SLC17A5: variants seen among roughly 807,000 people sequenced by gnomAD.
SLC17A5 encodes solute carrier family 17 member 5.
A neutral mutation model predicts 59.4 loss-of-function variants in SLC17A5; 47 were observed. The ratio of observed to expected loss-of-function variants is 0.79; its 90% CI spans 0.63 to 1.01. The LOEUF (loss-of-function observed/expected upper bound fraction) is 1.01, where lower values mean the gene tolerates loss of function less well. SLC17A5 is among the 50% of genes least tolerant of loss of function. SLC17A5 has a pLI of 0.00. For synonymous variants in SLC17A5, 202 were observed against 210.7 expected, an observed-to-expected ratio of 0.96 and a Z score of 0.36; for missense variants, 522 against 595.5, an observed-to-expected ratio of 0.88 and a Z score of 1.28.
At chr6:73,630,875 C>CAATTTTTTTACCTGTTCCTTAAGG (rs1561995824) in intron 6 of SLC17A5, among the ~76,000 whole-genome samples, 2 of 151,684 alleles carry the variant, frequency 1.3e-5, no homozygotes, top group African/African-American at 4.9e-5. Flanking sequence ...GGAGAAACCC[C>CAATTTTTTTACCTGTTCCTTAAGG]GTTTCTACTA....
At chr6:73,643,136 A>C (rs1004927531) in intron 2 of SLC17A5, among the ~76,000 whole-genome samples, 1 of 151,214 alleles carries the variant, frequency 6.6e-6, no homozygotes, top group Non-Finnish European at 1.5e-5. Flanking sequence ...AATGGGTGAA[A>C]ATTTATTTAT....
intron 2 of SLC17A5, among the ~76,000 whole-genome samples, chr6:73,644,119 T>C (rs1374581749): frequency 6.6e-6 from 1 of 152,228 alleles, no homozygotes; most frequent in Non-Finnish European, 1.5e-5. Context: ...AGTTTAATTT[T>C]CTGTTATATA....
chr6:73,613,610 C>T (rs1767727261), intron 8 of SLC17A5, among the ~76,000 whole-genome samples: 1 of 152,176 alleles, frequency 6.6e-6, no homozygotes, highest in Non-Finnish European at 1.5e-5. Context: ...GATCTGCTCA[C>T]CTCAGCCTCC....
intron 1 of SLC17A5, chr6:73,653,343 G>A: frequency 1.0e-6 from 1 of 985,454 alleles, no homozygotes; most frequent in Non-Finnish European, 1.2e-6. Flanking sequence ...CTACTGATCT[G>A]CAGGTTTCTC....
intron 6 of SLC17A5, among the ~76,000 whole-genome samples, chr6:73,633,938 TC>T (rs200891669): frequency 0.16 from 24,738 of 151,782 alleles, 3,100 homozygotes; most frequent in African/African-American, 0.35. Context: ...ATAGGAAAAG[TC>T]TTAAATATTT....
chr6:73,634,643 G>A (rs557620500), intron 6 of SLC17A5, among the ~76,000 whole-genome samples: 1 of 152,180 alleles, frequency 6.6e-6, no homozygotes, highest in African/African-American at 2.4e-5. Context: ...CAGGCGATCC[G>A]CCTGCCTCAG....
intron 9 of SLC17A5, among the ~76,000 whole-genome samples, chr6:73,604,843 T>C (rs1452396127): frequency 6.6e-6 from 1 of 152,166 alleles, no homozygotes; most frequent in Non-Finnish European, 1.5e-5. Flanking sequence ...TATATGTTAA[T>C]AGGAATATTA....
chr6:73,649,472 T>A (rs1030765221), intron 1 of SLC17A5, among the ~76,000 whole-genome samples: 1 of 151,986 alleles, frequency 6.6e-6, no homozygotes, highest in Non-Finnish European at 1.5e-5. Context: ...GGTTGTGGTG[T>A]TGTGCACCTG....
chr6:73,624,419 C>T lies in SLC17A5; in HGVS notation c.820-2457G>A, dbSNP rs528073198. 2.2e-4 allele frequency among the ~76,000 whole-genome samples: 33 copies of T among 151,976 alleles called. No individual in the cohort carries two copies. The East Asian group carries it at 6.0e-3, about 28-fold the overall frequency. On this transcript the variant is annotated intron_variant, in intron 6 of 10. Transcript: ENST00000355773. Reference sequence around the variant, plus strand: ...ACTCTGTCTCAAAAAATAAAAACAACAAATTATTTGTAATTTTTAAGTTAT... The same window carrying T: ...ACTCTGTCTCAAAAAATAAAAACAATAAATTATTTGTAATTTTTAAGTTAT...
At chr6:73,610,631 A>G in intron 8 of SLC17A5, 84 bp from the exon 9 acceptor site, 1 of 1,467,968 alleles carries the variant, frequency 6.8e-7, no homozygotes, top group Non-Finnish European at 9.5e-7. Flanking sequence ...CTGAAATTTG[A>G]AATTGCTGCC....
intron 3 of SLC17A5, among the ~76,000 whole-genome samples, chr6:73,639,853 C>G (rs1769197220): frequency 6.6e-6 from 1 of 152,096 alleles, no homozygotes; most frequent in Admixed American, 6.5e-5. Flanking sequence ...CGAGACCAGC[C>G]TGGCCAACAT....
chr6:73,638,441 C>G lies in SLC17A5; in HGVS notation c.584G>C (p.Arg195Thr), dbSNP rs376564719. Residue 195 changes from arginine to threonine, a missense_variant, in exon 4 of 11, where the codon AGA becomes ACA. Arg to Thr is a moderately conservative substitution (Grantham distance 71, BLOSUM62 -1). Transcript: ENST00000355773. ...ATATGAAATGCTAAGAAGTTTGCTT[C>G]TTTCAAGAGGGGGAGCCCAAGAAGA... ...MWSSWAPPLERSKLLSISYAG... is the reference protein window; with the variant it reads ...MWSSWAPPLETSKLLSISYAG... 6.2e-7 allele frequency: 1 copy of G among 1,614,020 alleles called. No individual in the cohort carries two copies. Among genetic ancestry groups the G allele is most frequent in the African/African-American group, 1.3e-5 (1 of 75,038 alleles).
chr6:73,640,991 A>G (rs934410245), intron 3 of SLC17A5, among the ~76,000 whole-genome samples: 1 of 152,220 alleles, frequency 6.6e-6, no homozygotes, highest in Non-Finnish European at 1.5e-5. Flanking sequence ...TCAACAGTCT[A>G]TTGTGTAAAA....
Position 73,622,294 on chromosome 6 carries a change from CTTTCTT to C in SLC17A5, c.820-338_820-333del, listed in dbSNP as rs769248741. 6.0e-5 allele frequency among the ~76,000 whole-genome samples: 9 copies of C among 149,468 alleles called. No homozygotes were observed. In the South Asian group the frequency reaches 6.3e-4, roughly 10 times the overall value. On this transcript the variant is annotated intron_variant, in intron 6 of 10. Coordinates refer to ENST00000355773, the MANE Select transcript of SLC17A5 (RefSeq NM_012434.5). ...GCAGCATTGATTTATCTATTTCTTT[CTTTCTT>C]TTTTTTTTTTTTCTTTTTTGAGACA...
chr6:73,610,515 C>T lies in SLC17A5; in HGVS notation c.1144G>A (p.Ala382Thr). ...GAATAATCACAGCCAATGAAGCCAG[C>T]AGCTACCAGGAATACTGCAGGTCCA... ...MIGPAVFLVAAGFIGCDYSLA... is the reference protein window; with the variant it reads ...MIGPAVFLVATGFIGCDYSLA... The change falls in exon 9 of 11, where the codon GCT becomes ACT. Residue 382 changes from alanine (A) to threonine (T), a missense_variant. This residue lies in a region of SLC17A5 where 153 missense variants were observed against 168.5 expected (regional missense o/e 0.91). Transcript: ENST00000355773. The T allele has an allele frequency of 6.2e-7, 1 of 1,614,066 alleles. No individual in the cohort carries two copies. Among genetic ancestry groups the T allele is most frequent in the Non-Finnish European group, 8.5e-7 (1 of 1,179,998 alleles).
At position 73,641,687 on chromosome 6, in the gene SLC17A5, T is replaced by G; in HGVS notation, c.525+4A>C. 2 of 1,585,240 alleles carry G rather than the reference T, an allele frequency of 1.3e-6. No homozygotes were observed. Among genetic ancestry groups the G allele is most frequent in the South Asian group, 2.3e-5 (2 of 88,024 alleles). ...AAGTAAAACAAGAGAGAAAAGAAAA[T>G]TACCTCTCCTAGTCCTTCTAGTGCT... On this transcript the variant is annotated splice_donor_region_variant and intron_variant, in intron 3 of 10. Transcript: ENST00000355773.
Position 73,635,497 on chromosome 6 carries a change from GTA to G in SLC17A5, c.702_703del (p.Thr235TyrfsTer14). On this transcript the variant is annotated frameshift_variant and splice_region_variant, in exon 6 of 11. Coordinates refer to ENST00000355773, the MANE Select transcript of SLC17A5 (RefSeq NM_012434.5). LOFTEE classifies it high-confidence loss of function. ...CAAAAGAAACCAAAATATTCCAATA[GTA>G]CCTTAAAATAGAAAAATAATAGTTA... 6.7e-7 allele frequency: 1 copy of G among 1,487,168 alleles called. No homozygotes were observed. Among genetic ancestry groups the G allele is most frequent in the East Asian group, 2.3e-5 (1 of 43,992 alleles). The allele number at this position is 1,487,168 out of a possible 1,614,324, so 92.1% of individuals were successfully genotyped here. A position where few individuals can be genotyped will look rare whatever the true frequency, so the allele number is the denominator to read the frequency against.
intron 2 of SLC17A5, among the ~76,000 whole-genome samples, chr6:73,643,466 T>G: frequency 7.1e-6 from 1 of 141,284 alleles, no homozygotes; most frequent in African/African-American, 2.6e-5. Context: ...GGCCAAAAAT[T>G]TATTATTTTT....
chr6:73,618,374 C>G (rs561054581), intron 7 of SLC17A5: 23 of 288,498 alleles, frequency 8.0e-5, no homozygotes, highest in South Asian at 6.9e-4. Flanking sequence ...CTTCATCCCT[C>G]TCCAGAAGAG....
Sources: gnomAD v4.1 joint callset for allele counts (sites outside exome capture counted in the v4.1 genomes callset) on GRCh38, gnomAD v4.1.1 for gene constraint, gnomAD v4.1.1 regional missense constraint, MANE v1.5 for transcripts, NCBI Gene and HGNC (gene_info 2026-07-23, HGNC 2026-07-21) for gene names.